The following KLHL29 variants were observed in gnomAD, a reference collection of about 807,000 sequenced individuals.
The protein encoded by KLHL29 is kelch-like protein 29.
KLHL29 carries 21 observed loss-of-function variants against 80.4 expected under a neutral mutation model. The ratio of observed to expected loss-of-function variants is 0.26; its 90% CI spans 0.19 to 0.38. The LOEUF (loss-of-function observed/expected upper bound fraction) is 0.38. KLHL29 is among the 10% of genes least tolerant of loss of function. The pLI is 1.00. For synonymous variants in KLHL29, 511 were observed against 526.8 expected, an observed-to-expected ratio of 0.97 and a Z score of 0.41; for missense variants, 867 against 1,223.9, an observed-to-expected ratio of 0.71 and a Z score of 4.35.
intron 2 of KLHL29, among the ~76,000 whole-genome samples, chr2:23,504,643 G>T (rs1386834181): frequency 4.6e-5 from 7 of 152,244 alleles, no homozygotes; most frequent in Non-Finnish European, 7.3e-5. Context: ...AACTGGAAGG[G>T]GGTAGGCACT....
At chr2:23,566,133 C>G (rs1308445282) in intron 3 of KLHL29, among the ~76,000 whole-genome samples, 1 of 152,236 alleles carries the variant, frequency 6.6e-6, no homozygotes, top group Non-Finnish European at 1.5e-5. Context: ...CTTCATTTGT[C>G]TGTGGCCTAA....
In KLHL29 at chr2:23,642,335, C is replaced by T. The variant is rs1427692461; in HGVS notation, c.428-3C>T. 8.5e-6 allele frequency: 12 copies of T among 1,407,540 alleles called. No individual in the cohort carries two copies. Among genetic ancestry groups the T allele is most frequent in the Non-Finnish European group, 1.0e-5 (11 of 1,075,028 alleles). 87.2% of individuals were successfully genotyped at this position (1,407,540 alleles called of 1,614,324 possible). The stretch of plus-strand genomic sequence containing the variant: ...GATGACGTTTCTTCCATCTCCCTTG[C>T]AGGCACAGGGCCATGGGTGACCACG... On this transcript the variant is annotated splice_polypyrimidine_tract_variant and splice_region_variant and intron_variant, in intron 4 of 13. Coordinates refer to ENST00000486442, the MANE Select transcript of KLHL29 (RefSeq NM_052920.2).
At chr2:23,654,017 A>C (rs1670163372) in intron 5 of KLHL29, among the ~76,000 whole-genome samples, 2 of 151,958 alleles carry the variant, frequency 1.3e-5, no homozygotes, top group South Asian at 4.2e-4. Context: ...AAATACAAAA[A>C]TTAGCCGGGT....
chr2:23,520,302 T>C (rs959663175), intron 2 of KLHL29, among the ~76,000 whole-genome samples: 3 of 152,166 alleles, frequency 2.0e-5, no homozygotes, highest in South Asian at 2.1e-4. Context: ...TTTCATGGGC[T>C]CAGATACCTA....
At chr2:23,617,925 G>A (rs1375667545) in intron 3 of KLHL29, 4 of 152,216 alleles carry the variant, frequency 2.6e-5, no homozygotes, top group Admixed American at 6.5e-5. Flanking sequence ...TGGAAGCACC[G>A]AAGACGGCGT....
chr2:23,694,967 G>A (rs771741604), intron 8 of KLHL29, among the ~76,000 whole-genome samples: 3 of 152,168 alleles, frequency 2.0e-5, no homozygotes, highest in Non-Finnish European at 4.4e-5. Flanking sequence ...AGTGATGAGC[G>A]TCATGCCTGG....
chr2:23,477,212 G>A (rs973520324), intron 2 of KLHL29, among the ~76,000 whole-genome samples: 7 of 152,262 alleles, frequency 4.6e-5, no homozygotes, highest in Non-Finnish European at 7.3e-5. Flanking sequence ...CTGACCGGTG[G>A]CCTCCTGGCC....
intron 2 of KLHL29, among the ~76,000 whole-genome samples, chr2:23,551,374 A>G (rs1667118788): frequency 6.6e-6 from 1 of 152,112 alleles, no homozygotes; most frequent in African/African-American, 2.4e-5. Context: ...ATCAAAACCC[A>G]CGGCCAGATT....
chr2:23,484,040 G>A (rs1664865082), intron 2 of KLHL29, among the ~76,000 whole-genome samples: 1 of 152,168 alleles, frequency 6.6e-6, no homozygotes, highest in Non-Finnish European at 1.5e-5. Context: ...AACTGAAGGA[G>A]TCACGTATGG....
At chr2:23,611,234 T>C (rs1300998561) in intron 3 of KLHL29, among the ~76,000 whole-genome samples, 3 of 152,216 alleles carry the variant, frequency 2.0e-5, no homozygotes, top group Non-Finnish European at 2.9e-5. Context: ...GTAAGCCTTA[T>C]GCTTACAGCC....
At position 23,695,812 on chromosome 2, in the gene KLHL29, C is replaced by T. The variant is rs1259093037; in HGVS notation, c.1732C>T (p.Leu578Phe). The T allele has an allele frequency of 6.5e-7, 1 of 1,549,104 alleles. No homozygotes were observed. The highest frequency in any genetic ancestry group is 2.0e-5 in the Admixed American group (1 of 50,934). Residue 578 changes from leucine to phenylalanine, a missense_variant, in exon 9 of 14, where the codon CTC becomes TTC. By Grantham distance (22) the Leu-to-Phe change is conservative. Coordinates refer to ENST00000486442, the MANE Select transcript of KLHL29 (RefSeq NM_052920.2). The surrounding 1 kb of genome is among the most constrained non-coding windows in gnomAD (Gnocchi z 7.6). The part of the protein sequence containing the change: ...EMQTPRTRPR[L>F]SAGVAEVIVL... The stretch of plus-strand genomic sequence containing the variant: ...GCAGACGCCCCGAACCCGGCCGCGC[C>T]TCTCTGCAGGTATGAAGGGGCACGC...
chr2:23,554,934 TG>T (rs1299444570), intron 2 of KLHL29, among the ~76,000 whole-genome samples: 1 of 152,166 alleles, frequency 6.6e-6, no homozygotes, highest in Non-Finnish European at 1.5e-5. Flanking sequence ...AAACACAGTC[TG>T]GGCCTGGGGC....
At chr2:23,536,858 CT>C (rs1315742818) in intron 2 of KLHL29, among the ~76,000 whole-genome samples, 4 of 151,648 alleles carry the variant, frequency 2.6e-5, no homozygotes, top group Non-Finnish European at 5.9e-5. Context: ...TTCTGGTTCC[CT>C]TCCTACTAAC....
At position 23,642,678 on chromosome 2, in the gene KLHL29, C is replaced by G. The variant is rs1317536191; in HGVS notation, c.768C>G (p.His256Gln). 6.5e-7 allele frequency: 1 copy of G among 1,547,850 alleles called. No homozygotes were observed. Among genetic ancestry groups the G allele is most frequent in the Non-Finnish European group, 8.7e-7 (1 of 1,145,472 alleles). ...RPGPTAVGNG[H>Q]MAGPLLPPPP... ...GACCCACCGCTGTGGGCAACGGCCA[C>G]ATGGCAGGGCCCCTGCTGCCTCCAC... is the stretch of plus-strand genomic sequence containing the variant. Residue 256 changes from histidine to glutamine, a missense_variant, in exon 5 of 14, where the codon CAC becomes CAG. His to Gln is a conservative substitution (Grantham distance 24). Coordinates refer to ENST00000486442, the MANE Select transcript of KLHL29 (RefSeq NM_052920.2).
At chr2:23,448,590 C>T (rs1663777909) in intron 1 of KLHL29, among the ~76,000 whole-genome samples, 1 of 152,190 alleles carries the variant, frequency 6.6e-6, no homozygotes, top group Non-Finnish European at 1.5e-5. Flanking sequence ...GCTGGACCCT[C>T]AAGATTGCTG....
At chr2:23,699,897 C>T (rs564057135) in intron 11 of KLHL29, among the ~76,000 whole-genome samples, 3 of 152,338 alleles carry the variant, frequency 2.0e-5, no homozygotes, top group African/African-American at 7.2e-5. Flanking sequence ...AGAGATCTGA[C>T]CCTACAGACT....
intron 2 of KLHL29, among the ~76,000 whole-genome samples, chr2:23,506,843 C>G (rs1008662232): frequency 1.2e-4 from 19 of 152,168 alleles, no homozygotes; most frequent in African/African-American, 4.6e-4. Context: ...ATGAGCCTGC[C>G]TTCTGCATCC....
intron 5 of KLHL29, among the ~76,000 whole-genome samples, chr2:23,660,478 C>G (rs1368557624): frequency 6.6e-6 from 1 of 152,170 alleles, no homozygotes; most frequent in African/African-American, 2.4e-5. Flanking sequence ...GAGGAGCTGC[C>G]AAAAACAGGT....
intron 3 of KLHL29, among the ~76,000 whole-genome samples, chr2:23,587,591 C>G (rs1035871210): frequency 6.6e-6 from 1 of 152,168 alleles, no homozygotes; most frequent in Admixed American, 6.5e-5. Flanking sequence ...TGGAGGGAAC[C>G]AGTTGCAGTG....
Sources: gnomAD v4.1 joint callset for allele counts (sites outside exome capture counted in the v4.1 genomes callset) on GRCh38, gnomAD v4.1.1 for gene constraint, Gnocchi (gnomAD v3.1) non-coding constraint, MANE v1.5 for transcripts, NCBI Gene and HGNC (gene_info 2026-07-23, HGNC 2026-07-21) for gene names.